The following SAMMSON variants were observed in gnomAD, a reference collection of about 807,000 sequenced individuals.
SAMMSON encodes the protein survival associated mitochondrial melanoma specific oncogenic non-coding RNA, also known as long intergenic non-protein coding RNA 1212.
chr3:70,209,547 T>C (rs995092351), intron 4 of SAMMSON, among the ~76,000 whole-genome samples: 2 of 152,142 alleles, frequency 1.3e-5, no homozygotes, highest in Admixed American at 1.3e-4. Flanking sequence ...AGCAGATGAA[T>C]GAAGGTAACC....
chr3:70,434,460 A>G (rs549766153), intron 2 of SAMMSON, among the ~76,000 whole-genome samples: 25 of 152,314 alleles, frequency 1.6e-4, no homozygotes, highest in African/African-American at 5.5e-4. Flanking sequence ...ATTTTTGTAC[A>G]TTAATCTTAT....
At chr3:70,164,432 T>A (rs995492510) in intron 4 of SAMMSON, among the ~76,000 whole-genome samples, 1 of 152,084 alleles carries the variant, frequency 6.6e-6, no homozygotes, top group Admixed American at 6.6e-5. Context: ...CTGTTTTCTC[T>A]CTTTCTGTAA....
At chr3:70,263,056 T>A (rs1183452003) in intron 6 of SAMMSON, among the ~76,000 whole-genome samples, 1 of 152,176 alleles carries the variant, frequency 6.6e-6, no homozygotes, top group Non-Finnish European at 1.5e-5. Flanking sequence ...AGGTAATTCA[T>A]CTCTCTCTTT....
At chr3:70,049,407 G>A (rs1361581308) in intron 3 of SAMMSON, among the ~76,000 whole-genome samples, 1 of 152,132 alleles carries the variant, frequency 6.6e-6, no homozygotes, top group African/African-American at 2.4e-5. Context: ...AAGATATGTG[G>A]ATATGTACAT....
chr3:70,326,576 A>G (rs181711704), intron 7 of SAMMSON, among the ~76,000 whole-genome samples: 2 of 152,268 alleles, frequency 1.3e-5, no homozygotes, highest in Non-Finnish European at 2.9e-5. Context: ...ATTTCAGTCC[A>G]GTGGCCATCT....
chr3:70,034,068 T>C (rs749213923), intron 3 of SAMMSON, among the ~76,000 whole-genome samples: 4 of 152,242 alleles, frequency 2.6e-5, no homozygotes, highest in Middle Eastern at 3.4e-3. Context: ...TTGAAAGTTA[T>C]TAACTTTTGT....
chr3:70,308,688 C>G (rs1054795466), intron 7 of SAMMSON, among the ~76,000 whole-genome samples: 2 of 152,156 alleles, frequency 1.3e-5, no homozygotes, highest in Non-Finnish European at 2.9e-5. Flanking sequence ...GTATTGTTCT[C>G]TGCCACACTT....
chr3:70,245,467 T>C (rs1701697943), intron 4 of SAMMSON, among the ~76,000 whole-genome samples: 3 of 151,588 alleles, frequency 2.0e-5, no homozygotes, highest in Non-Finnish European at 4.4e-5. Context: ...AAATAGCATA[T>C]GGTCGATGGC....
At chr3:70,407,623 A>G (rs886932880) in intron 2 of SAMMSON, among the ~76,000 whole-genome samples, 2 of 152,192 alleles carry the variant, frequency 1.3e-5, no homozygotes, top group Admixed American at 6.5e-5. Context: ...GTGGGTTCCC[A>G]TGGTCTTGGG....
chr3:70,370,394 C>G (rs1702957876), intron 9 of SAMMSON, among the ~76,000 whole-genome samples: 1 of 151,860 alleles, frequency 6.6e-6, no homozygotes, highest in Admixed American at 6.6e-5. Context: ...ATACGGTTTT[C>G]CGTGGTGGGT....
chr3:70,005,657 T>C (rs1320590056), intron 1 of SAMMSON, among the ~76,000 whole-genome samples: 2 of 152,130 alleles, frequency 1.3e-5, no homozygotes, highest in African/African-American at 4.8e-5. Flanking sequence ...TACCTCTTGA[T>C]GGTTGGAATG....
chr3:70,322,850 A>G (rs1702547565), intron 7 of SAMMSON, among the ~76,000 whole-genome samples: 1 of 152,160 alleles, frequency 6.6e-6, no homozygotes. Context: ...CCTAAATTAT[A>G]AAATTAGTAA....
chr3:70,007,168 TGGG>T (rs2066931016), intron 1 of SAMMSON, among the ~76,000 whole-genome samples: 2 of 152,170 alleles, frequency 1.3e-5, no homozygotes, highest in African/African-American at 2.4e-5. Context: ...TACCCAGTAA[TGGG>T]ATTGCTGGGT....
rs1215206669 is a variant in SAMMSON at position 70,143,552 on chromosome 3, T to G, written n.507+71987T>G. Among the ~76,000 whole-genome samples the G allele has an allele frequency of 5.9e-5, 9 of 152,276 alleles. No individual in the cohort carries two copies. The East Asian group carries it at 1.5e-3, about 26-fold the overall frequency. On this transcript the variant is annotated intron_variant and non_coding_transcript_variant, in intron 4 of 9. Coordinates refer to ENST00000642114, the Ensembl canonical transcript of SAMMSON. The stretch of plus-strand genomic sequence containing the variant: ...TTCCTGGCTCCAGGAGGTTCACCTT[T>G]GTGGGTCAATCCATTGCATCCTATT...
At chr3:70,420,178 T>A (rs2106773869) in intron 2 of SAMMSON, among the ~76,000 whole-genome samples, 1 of 152,290 alleles carries the variant, frequency 6.6e-6, no homozygotes, top group South Asian at 2.1e-4. Flanking sequence ...CTATTAGCTG[T>A]CTCACAGGTC....
chr3:70,011,048 A>G (rs1245034254), intron 1 of SAMMSON, among the ~76,000 whole-genome samples: 2 of 152,068 alleles, frequency 1.3e-5, no homozygotes, highest in Non-Finnish European at 2.9e-5. Flanking sequence ...GCCAAACTAT[A>G]TCAGCCGTAT....
At chr3:70,314,304 A>G (rs1559561816) in intron 7 of SAMMSON, among the ~76,000 whole-genome samples, 2 of 152,320 alleles carry the variant, frequency 1.3e-5, no homozygotes, top group East Asian at 3.9e-4. Context: ...AACTGATGAC[A>G]GTATTTTCCT....
intron 1 of SAMMSON, among the ~76,000 whole-genome samples, chr3:70,008,588 G>T (rs1002070409): frequency 1.1e-4 from 16 of 152,120 alleles, no homozygotes; most frequent in Non-Finnish European, 7.4e-5. Flanking sequence ...CTGCAAACAG[G>T]GACAATTTGA....
intron 4 of SAMMSON, among the ~76,000 whole-genome samples, chr3:70,080,087 T>G (rs1199195050): frequency 2.0e-5 from 3 of 152,202 alleles, no homozygotes; most frequent in Non-Finnish European, 4.4e-5. Flanking sequence ...TGGCTTCACT[T>G]TTTTCATTAC....
Sources: gnomAD v4.1 joint callset for allele counts (sites outside exome capture counted in the v4.1 genomes callset) on GRCh38, gnomAD v4.1.1 for gene constraint, MANE v1.5 for transcripts, NCBI Gene and HGNC (gene_info 2026-07-23, HGNC 2026-07-21) for gene names.